DLG2: variants seen among roughly 807,000 people sequenced by gnomAD.
DLG2 encodes discs large MAGUK scaffold protein 2.
DLG2 carries 45 observed loss-of-function variants against 132.5 expected under a neutral mutation model. The ratio of observed to expected loss-of-function variants is 0.34; its 90% CI spans 0.27 to 0.44. DLG2 has a LOEUF of 0.44. Ranked by LOEUF, DLG2 falls within the 20% of genes least tolerant of loss-of-function variation. The pLI, the probability that DLG2 is intolerant of heterozygous loss-of-function variation, is 1.00. For missense variants in DLG2, 1,045 were observed against 1,196.9 expected, an observed-to-expected ratio of 0.87 and a Z score of 1.87; for synonymous variants, 424 against 419.6, an observed-to-expected ratio of 1.01 and a Z score of -0.13.
At position 84,392,665 on chromosome 11, in the gene DLG2, G is replaced by C. The variant is rs145615236; in HGVS notation, c.520-141374C>G. ...TGTAATTCTTGCAACAACTCCATTGGGTAGATTCTATTATTGTTCTCATTT... is the reference window on the plus strand; with the variant it reads ...TGTAATTCTTGCAACAACTCCATTGCGTAGATTCTATTATTGTTCTCATTT... On this transcript the variant is annotated intron_variant, in intron 7 of 27. Transcript: ENST00000376104. Among the ~76,000 whole-genome samples, 508 of 152,148 alleles carry C rather than the reference G, an allele frequency of 3.3e-3. 2 individuals carry two copies. Among genetic ancestry groups the C allele is most frequent in the Non-Finnish European group, 6.1e-3 (412 of 68,000 alleles).
chr11:83,798,421 A>G (rs2043418408), intron 17 of DLG2, among the ~76,000 whole-genome samples: 1 of 152,242 alleles, frequency 6.6e-6, no homozygotes, highest in Non-Finnish European at 1.5e-5. Context: ...CATATCCATT[A>G]TCTATGTGAC....
At chr11:84,772,494 T>C (rs1274670225) in intron 6 of DLG2, among the ~76,000 whole-genome samples, 3 of 152,196 alleles carry the variant, frequency 2.0e-5, no homozygotes, top group Admixed American at 2.0e-4. Context: ...AGAATATACA[T>C]TCTTCTCATC....
intron 6 of DLG2, among the ~76,000 whole-genome samples, chr11:84,745,928 T>C (rs2065296194): frequency 6.6e-6 from 1 of 152,220 alleles, no homozygotes; most frequent in Non-Finnish European, 1.5e-5. Context: ...CCCTTAGCTA[T>C]CTGCAAACCT....
chr11:84,825,998 T>C (rs2078283013), intron 6 of DLG2, among the ~76,000 whole-genome samples: 1 of 151,854 alleles, frequency 6.6e-6, no homozygotes, highest in African/African-American at 2.4e-5. Context: ...TCAGTGTTTA[T>C]TTTTGGGGGG....
chr11:84,409,631 C>T lies in DLG2; in HGVS notation c.519+124939G>A, dbSNP rs528401126. Reference sequence around the variant, plus strand: ...GCTTTATGTAAACTGATTGTTTCTCCATTACTTAGTTAGTGACTAGGGAGG... The same window carrying T: ...GCTTTATGTAAACTGATTGTTTCTCTATTACTTAGTTAGTGACTAGGGAGG... On this transcript the variant is annotated intron_variant, in intron 7 of 27. Coordinates refer to ENST00000376104, the MANE Select transcript of DLG2 (RefSeq NM_001142699.3). Among the ~76,000 whole-genome samples the T allele has an allele frequency of 5.9e-5, 9 of 152,220 alleles. No homozygotes were observed. The East Asian group carries it at 1.7e-3, about 29-fold the overall frequency.
chr11:84,011,239 A>C (rs964489695), intron 11 of DLG2, among the ~76,000 whole-genome samples: 65 of 152,080 alleles, frequency 4.3e-4, no homozygotes, highest in Admixed American at 3.5e-3. Context: ...GGGAGGCTGA[A>C]GTAGGAGGAT....
chr11:84,277,918 A>ATATT (rs1388585393), intron 7 of DLG2, among the ~76,000 whole-genome samples: 3 of 152,046 alleles, frequency 2.0e-5, no homozygotes, highest in East Asian at 1.9e-4. Context: ...ATGTAGGTAT[A>ATATT]TATTTATTTA....
chr11:84,298,742 T>C (rs2098120458), intron 7 of DLG2, among the ~76,000 whole-genome samples: 1 of 152,168 alleles, frequency 6.6e-6, no homozygotes, highest in Admixed American at 6.5e-5. Context: ...ATGAGAAAGA[T>C]TTTATCCAAC....
intron 6 of DLG2, among the ~76,000 whole-genome samples, chr11:84,806,354 G>T (rs529947164): frequency 6.6e-6 from 1 of 152,062 alleles, no homozygotes; most frequent in South Asian, 2.1e-4. Flanking sequence ...TAGGATAAAT[G>T]GAAAGAAATC....
intron 7 of DLG2, among the ~76,000 whole-genome samples, chr11:84,423,511 A>G (rs151206925): frequency 1.1e-4 from 17 of 152,248 alleles, no homozygotes; most frequent in Non-Finnish European, 2.4e-4. Context: ...TCAATAATGG[A>G]AATGTATAAA....
intron 22 of DLG2, chr11:83,483,141 C>T (rs918462568): frequency 8.0e-5 from 67 of 833,084 alleles, no homozygotes; most frequent in Non-Finnish European, 1.2e-4. Flanking sequence ...AAATAAAACT[C>T]GTATCTTGTG....
At chr11:85,220,637 A>AATAT (rs1554992640) in intron 4 of DLG2, among the ~76,000 whole-genome samples, 1 of 148,312 alleles carries the variant, frequency 6.7e-6, no homozygotes, top group African/African-American at 2.5e-5. Context: ...TAGAAAAAAA[A>AATAT]ATATATATAT....
chr11:85,502,850 A>G (rs750570565), intron 3 of DLG2, among the ~76,000 whole-genome samples: 1 of 152,144 alleles, frequency 6.6e-6, no homozygotes, highest in African/African-American at 2.4e-5. Context: ...AGAAAAACTC[A>G]TGTGTACCTG....
At position 84,928,982 on chromosome 11, in the gene DLG2, G is replaced by GTGTATATATATA. The variant is rs1400906684; in HGVS notation, c.357+182678_357+182679insTATATATATACA. 1.6e-3 allele frequency among the ~76,000 whole-genome samples: 81 copies of GTGTATATATATA among 49,098 alleles called. 3 individuals are homozygous for GTGTATATATATA. The highest frequency in any genetic ancestry group is 2.4e-3 in the Non-Finnish European group (67 of 28,148). 32.2% of individuals were successfully genotyped at this position (49,098 alleles called of 152,430 possible). A position where few individuals can be genotyped will look rare whatever the true frequency, so the allele number is the denominator to read the frequency against. On this transcript the variant is annotated intron_variant, in intron 6 of 27. Coordinates refer to ENST00000376104, the MANE Select transcript of DLG2 (RefSeq NM_001142699.3). ...TATGTGTGTGTGTGTGTGTGTGTGT[G>GTGTATATATATA]TATATATATATATATATATATATAT...
At chr11:84,161,646 A>T (rs181775794) in intron 9 of DLG2, among the ~76,000 whole-genome samples, 1 of 152,160 alleles carries the variant, frequency 6.6e-6, no homozygotes, top group Non-Finnish European at 1.5e-5. Context: ...CTCCAATACC[A>T]GGGCAACTAA....
chr11:84,809,276 A>G (rs183973535), intron 6 of DLG2, among the ~76,000 whole-genome samples: 21 of 152,020 alleles, frequency 1.4e-4, no homozygotes, highest in Admixed American at 1.4e-3. Context: ...ATAGAAGGAA[A>G]CTTTCTCAAC....
intron 15 of DLG2, among the ~76,000 whole-genome samples, chr11:83,877,552 A>G (rs2065079553): frequency 6.6e-6 from 1 of 152,186 alleles, no homozygotes; most frequent in Non-Finnish European, 1.5e-5. Context: ...TATTCCAATA[A>G]TATCCTCTTT....
intron 7 of DLG2, among the ~76,000 whole-genome samples, chr11:84,508,108 C>G (rs2099246887): frequency 6.6e-6 from 1 of 152,186 alleles, no homozygotes; most frequent in Admixed American, 6.5e-5. Flanking sequence ...GTTCTCATCT[C>G]ATTCTGAATG....
At chr11:83,621,561 A>C (rs2153433765) in intron 19 of DLG2, among the ~76,000 whole-genome samples, 2 of 152,180 alleles carry the variant, frequency 1.3e-5, no homozygotes, top group South Asian at 4.2e-4. Flanking sequence ...AGATGACTCA[A>C]AGTGGCCCCT....
Sources: allele counts gnomAD v4.1 joint callset (sites outside exome capture counted in the v4.1 genomes callset), GRCh38; gene constraint gnomAD v4.1.1; transcripts MANE v1.5; gene names NCBI Gene and HGNC (gene_info 2026-07-23, HGNC 2026-07-21).